Variants in DLGAP1 observed in about 807,000 individuals in gnomAD.
DLGAP1 encodes the protein DLG associated protein 1.
A neutral mutation model predicts 90.8 loss-of-function variants in DLGAP1; 11 were observed. That is an observed-to-expected ratio of 0.12 (90% confidence interval 0.08 to 0.20). DLGAP1 has a LOEUF of 0.20. Among genes scored for constraint, DLGAP1 ranks in the 10% least tolerant of loss-of-function variants. The probability of loss-of-function intolerance (pLI) is 1.00; values close to 1 mark genes in which losing one functional copy is unlikely to be tolerated. For synonymous variants in DLGAP1, 558 were observed against 540.7 expected, an observed-to-expected ratio of 1.03 and a Z score of -0.44; for missense variants, 1,050 against 1,333.8, an observed-to-expected ratio of 0.79 and a Z score of 3.31.
At chr18:4,248,305 C>T (rs912701291) in intron 1 of DLGAP1, among the ~76,000 whole-genome samples, 26 of 152,244 alleles carry the variant, frequency 1.7e-4, no homozygotes, top group East Asian at 7.7e-4. Context: ...AGCAGGAGCC[C>T]GAACCATACT....
intron 7 of DLGAP1, among the ~76,000 whole-genome samples, chr18:3,689,577 T>A (rs1297747266): frequency 6.6e-6 from 1 of 152,144 alleles, no homozygotes; most frequent in African/African-American, 2.4e-5. Flanking sequence ...GGGAAGCTGA[T>A]ATGTGTGGAG....
intron 3 of DLGAP1, among the ~76,000 whole-genome samples, chr18:3,955,433 C>T (rs60393598): frequency 0.027 from 4,154 of 152,128 alleles, 186 homozygotes; most frequent in African/African-American, 0.094. Flanking sequence ...AGAGACAGGC[C>T]GGGCGCCGTG....
chr18:3,655,090 C>T (rs1276388549), intron 7 of DLGAP1, among the ~76,000 whole-genome samples: 1 of 152,086 alleles, frequency 6.6e-6, no homozygotes, highest in Non-Finnish European at 1.5e-5. Flanking sequence ...ACCCCCACTG[C>T]AATTTCCCAC....
rs193219163 is a variant in DLGAP1 at position 4,180,334 on chromosome 18, A to G, written c.-266-29047T>C. On this transcript the variant is annotated intron_variant, in intron 1 of 12. Coordinates refer to ENST00000315677, the MANE Select transcript of DLGAP1 (RefSeq NM_004746.4). Reference sequence around the variant, plus strand: ...ACTAACTCATCTGGGTTTGTCTGGGACTTTACTACTTTTACTCAGTCCCAA... The same window carrying G: ...ACTAACTCATCTGGGTTTGTCTGGGGCTTTACTACTTTTACTCAGTCCCAA... 2.6e-5 allele frequency among the ~76,000 whole-genome samples: 4 copies of G among 152,250 alleles called. No homozygotes were observed. In the East Asian group the frequency reaches 7.7e-4, roughly 29 times the overall value.
At chr18:3,564,131 T>G (rs898331847) in intron 9 of DLGAP1, among the ~76,000 whole-genome samples, 3 of 152,174 alleles carry the variant, frequency 2.0e-5, no homozygotes, top group African/African-American at 7.2e-5. Context: ...GCCTCGTAAT[T>G]TTTTGAAAAG....
chr18:4,364,556 T>C (rs12604764), intron 1 of DLGAP1, among the ~76,000 whole-genome samples: 20,284 of 151,958 alleles, frequency 0.13, 1,549 homozygotes, highest in African/African-American at 0.21. Flanking sequence ...TGCCCAGAAT[T>C]GAGATGCTGC....
chr18:4,381,921 A>G (rs772067015), intron 1 of DLGAP1, among the ~76,000 whole-genome samples: 12 of 152,152 alleles, frequency 7.9e-5, no homozygotes, highest in Non-Finnish European at 5.9e-5. Context: ...AAGGCAAAAG[A>G]CACGTCTTAC....
chr18:4,137,013 TA>T (rs1479909444), intron 2 of DLGAP1, among the ~76,000 whole-genome samples: 2 of 152,154 alleles, frequency 1.3e-5, no homozygotes, highest in Non-Finnish European at 2.9e-5. Context: ...ACTCGTCATT[TA>T]ACATTAGGTA....
At chr18:4,279,407 T>C (rs186311836) in intron 1 of DLGAP1, among the ~76,000 whole-genome samples, 87 of 152,352 alleles carry the variant, frequency 5.7e-4, no homozygotes, top group Middle Eastern at 3.4e-3. Flanking sequence ...TTTGCAGTGA[T>C]TTCAAAGGAT....
chr18:4,293,242 G>C (rs913550830), intron 1 of DLGAP1: 1 of 152,196 alleles, frequency 6.6e-6, no homozygotes, highest in Non-Finnish European at 1.5e-5. Flanking sequence ...ATACCATTCT[G>C]GAACAGAGAA....
intron 3 of DLGAP1, among the ~76,000 whole-genome samples, chr18:3,939,052 T>A (rs748811159): frequency 7.9e-5 from 12 of 151,962 alleles, no homozygotes; most frequent in African/African-American, 1.5e-4. Flanking sequence ...AGGGAAGAGG[T>A]GGCAGAAGTG....
In DLGAP1 at chr18:4,210,496, A is replaced by G. The variant is rs1243101040; in HGVS notation, c.-266-59209T>C. 2.6e-5 allele frequency among the ~76,000 whole-genome samples: 4 copies of G among 152,320 alleles called. No homozygotes were observed. The East Asian group carries it at 7.7e-4, about 29-fold the overall frequency. On this transcript the variant is annotated intron_variant, in intron 1 of 12. Coordinates refer to ENST00000315677, the MANE Select transcript of DLGAP1 (RefSeq NM_004746.4). ...ATGCCTCATTTATGCTGAGCTAGGA[A>G]AAGGAAAAGACGATTCCAGTGGAAC... is the stretch of plus-strand genomic sequence containing the variant.
intron 9 of DLGAP1, among the ~76,000 whole-genome samples, chr18:3,538,402 A>G (rs2052503240): frequency 6.6e-6 from 1 of 152,128 alleles, no homozygotes; most frequent in Non-Finnish European, 1.5e-5. Flanking sequence ...GAAAAAGAAA[A>G]AAAAAATCAC....
chr18:3,742,575 G>A, intron 5 of DLGAP1, 63 bp from the exon 6 acceptor site: 1 of 1,576,852 alleles, frequency 6.3e-7, no homozygotes, highest in South Asian at 1.1e-5. Flanking sequence ...GCAATAACAT[G>A]TGGCACTATT....
At chr18:3,910,600 G>A (rs1270593024) in intron 3 of DLGAP1, among the ~76,000 whole-genome samples, 1 of 152,084 alleles carries the variant, frequency 6.6e-6, no homozygotes, top group Non-Finnish European at 1.5e-5. Context: ...GTGAACTCCA[G>A]AACAATGAAA....
intron 1 of DLGAP1, among the ~76,000 whole-genome samples, chr18:4,394,626 T>C (rs1005407995): frequency 6.6e-6 from 1 of 152,218 alleles, no homozygotes; most frequent in Non-Finnish European, 1.5e-5. Flanking sequence ...ACGTAGGTTT[T>C]AAATGAAAAC....
intron 1 of DLGAP1, among the ~76,000 whole-genome samples, chr18:4,255,543 A>G (rs4798207): frequency 0.14 from 20,986 of 150,808 alleles, 3,369 homozygotes; most frequent in African/African-American, 0.39. Context: ...TTCCAACTGT[A>G]GTCATTAGTG....
chr18:3,969,829 T>C (rs895022886), intron 3 of DLGAP1, among the ~76,000 whole-genome samples: 5 of 152,198 alleles, frequency 3.3e-5, no homozygotes, highest in Non-Finnish European at 1.5e-5. Flanking sequence ...TTATATAATT[T>C]TTTAATGTGT....
At chr18:3,625,662 T>G (rs766145426) in intron 7 of DLGAP1, among the ~76,000 whole-genome samples, 2 of 152,114 alleles carry the variant, frequency 1.3e-5, no homozygotes, top group Non-Finnish European at 2.9e-5. Context: ...GCAATCTAAG[T>G]GAGAGGCAAT....
Sources: gnomAD v4.1 joint callset for allele counts (sites outside exome capture counted in the v4.1 genomes callset) on GRCh38, gnomAD v4.1.1 for gene constraint, MANE v1.5 for transcripts, NCBI Gene and HGNC (gene_info 2026-07-23, HGNC 2026-07-21) for gene names.